PODXL: variants seen among roughly 807,000 people sequenced by gnomAD.
PODXL encodes podocalyxin.
PODXL carries 20 observed loss-of-function variants against 48.9 expected under a neutral mutation model. The ratio of observed to expected loss-of-function variants is 0.41; its 90% CI spans 0.29 to 0.59. PODXL has a LOEUF of 0.59. Ranked by LOEUF, PODXL falls within the 20% of genes least tolerant of loss-of-function variation. The pLI, the probability that PODXL is intolerant of heterozygous loss-of-function variation, is 0.31. For synonymous variants in PODXL, 295 were observed against 287.4 expected, an observed-to-expected ratio of 1.03 and a Z score of -0.27; for missense variants, 606 against 675.1, an observed-to-expected ratio of 0.90 and a Z score of 1.13.
At chr7:131,536,841 G>A (rs1276191925) in intron 1 of PODXL, among the ~76,000 whole-genome samples, 3 of 152,160 alleles carry the variant, frequency 2.0e-5, no homozygotes, top group Non-Finnish European at 4.4e-5. Context: ...AAAATGGCAC[G>A]TGGCCAGGTG....
chr7:131,552,592 CCACG>C (rs1798685402), intron 1 of PODXL, among the ~76,000 whole-genome samples: 1 of 152,208 alleles, frequency 6.6e-6, no homozygotes, highest in Non-Finnish European at 1.5e-5. Flanking sequence ...CCTGGGCAGG[CCACG>C]CTCCCCTCCT....
chr7:131,550,146 G>A (rs1562919819), intron 1 of PODXL, among the ~76,000 whole-genome samples: 2 of 152,356 alleles, frequency 1.3e-5, no homozygotes, highest in South Asian at 4.1e-4. Flanking sequence ...CTGTGGAAAT[G>A]ACAGGGGGTC....
At chr7:131,554,250 T>C (rs1643257) in intron 1 of PODXL, among the ~76,000 whole-genome samples, 54,889 of 151,864 alleles carry the variant, frequency 0.36, 11,125 homozygotes, top group African/African-American at 0.53. Context: ...AACAGACCAA[T>C]CTTGCCGCAA....
At position 131,522,624 on chromosome 7, in the gene PODXL, TCGTG is replaced by T. The variant is rs559953747; in HGVS notation, c.101-11195_101-11192del. 4.6e-5 allele frequency among the ~76,000 whole-genome samples: 7 copies of T among 152,328 alleles called. No homozygotes were observed. The South Asian group carries it at 1.5e-3, about 32-fold the overall frequency. The stretch of plus-strand genomic sequence containing the variant: ...AACAAATTGTGAAGCCCAGCCTAAC[TCGTG>T]CCTTGATTAACATAAACCTTCGCAC... On this transcript the variant is annotated intron_variant, in intron 1 of 8. Transcript: ENST00000378555.
intron 2 of PODXL, 52 bp downstream of exon 2, chr7:131,510,776 G>A (rs3847113): frequency 1.2e-6 from 2 of 1,608,152 alleles, no homozygotes; most frequent in South Asian, 1.1e-5. Flanking sequence ...GAGCCATCAC[G>A]CCTGGCCCTG....
chr7:131,512,071 T>C (rs1322025452), intron 1 of PODXL, among the ~76,000 whole-genome samples: 1 of 152,210 alleles, frequency 6.6e-6, no homozygotes, highest in Non-Finnish European at 1.5e-5. Context: ...CCTGTTCTCA[T>C]GGAAGTTATA....
intron 1 of PODXL, among the ~76,000 whole-genome samples, chr7:131,527,672 C>A (rs1625957): frequency 0.88 from 133,286 of 152,256 alleles, 58,546 homozygotes; most frequent in East Asian, 1. Context: ...ACAACTCTTT[C>A]TCAAATGCTA....
chr7:131,504,242 A>G lies in PODXL; in HGVS notation c.*69T>C, dbSNP rs2116772909. 7.4e-7 allele frequency: 1 copy of G among 1,347,136 alleles called. No individual in the cohort carries two copies. Among genetic ancestry groups the G allele is most frequent in the Non-Finnish European group, 1.1e-6 (1 of 950,886 alleles). 83.4% of individuals were successfully genotyped at this position (1,347,136 alleles called of 1,614,324 possible). A position where few individuals can be genotyped will look rare whatever the true frequency, so the allele number is the denominator to read the frequency against. ...TCCCTCCCCAGTCTTTCCCTTCCCC[A>G]TCCAAACGGCACTTGGGGTGGTTGG... On this transcript the variant is annotated 3_prime_UTR_variant, in exon 9 of 9. Transcript: ENST00000378555.
rs190198666 is a variant in PODXL at position 131,540,278 on chromosome 7, C to T, written c.100+15982G>A. On this transcript the variant is annotated intron_variant, in intron 1 of 8. Coordinates refer to ENST00000378555, the MANE Select transcript of PODXL (RefSeq NM_001018111.3). The stretch of plus-strand genomic sequence containing the variant: ...CCCAAACTAGCCTTGAACTCCTGAG[C>T]TCAAGTGATCCTCCTGCCTCAGACT... Among the ~76,000 whole-genome samples the T allele has an allele frequency of 2.0e-5, 3 of 152,232 alleles. No individual in the cohort carries two copies. In the East Asian group the frequency reaches 5.8e-4, roughly 29 times the overall value.
intron 1 of PODXL, among the ~76,000 whole-genome samples, chr7:131,553,141 C>T (rs904997870): frequency 2.0e-5 from 3 of 152,122 alleles, no homozygotes; most frequent in Non-Finnish European, 4.4e-5. Flanking sequence ...GCCTCAATGA[C>T]TCCATCTCAA....
chr7:131,546,983 G>A (rs1384934094), intron 1 of PODXL, among the ~76,000 whole-genome samples: 1 of 152,188 alleles, frequency 6.6e-6, no homozygotes, highest in Non-Finnish European at 1.5e-5. Flanking sequence ...ACCTGGCCCT[G>A]TGAGGTCGCA....
chr7:131,549,718 C>T (rs1406662668), intron 1 of PODXL, among the ~76,000 whole-genome samples: 1 of 152,210 alleles, frequency 6.6e-6, no homozygotes, highest in Non-Finnish European at 1.5e-5. Context: ...CCTCTCTCAG[C>T]CGCTCCTTAG....
chr7:131,504,974 C>T (rs1040327172), intron 8 of PODXL, among the ~76,000 whole-genome samples: 6 of 152,212 alleles, frequency 3.9e-5, no homozygotes, highest in Admixed American at 6.5e-5. Flanking sequence ...CTGGCAGAGG[C>T]GCTTTCTGTC....
intron 1 of PODXL, among the ~76,000 whole-genome samples, chr7:131,518,807 C>T (rs1392762189): frequency 6.6e-6 from 1 of 152,172 alleles, no homozygotes; most frequent in Non-Finnish European, 1.5e-5. Context: ...CAGAACGGGC[C>T]GCCCTCCACC....
intron 1 of PODXL, among the ~76,000 whole-genome samples, chr7:131,523,695 AAAAAAAACAAG>A (rs1798126567): frequency 9.7e-6 from 1 of 103,356 alleles, no homozygotes. Flanking sequence ...AAAAAAAAAA[AAAAAAAACAAG>A]AAAAGAAAAA....
chr7:131,512,250 T>C (rs1256649251), intron 1 of PODXL, among the ~76,000 whole-genome samples: 1 of 152,046 alleles, frequency 6.6e-6, no homozygotes, highest in Non-Finnish European at 1.5e-5. Context: ...GACACAATGG[T>C]GAACACGACA....
chr7:131,527,602 G>A (rs1045237593), intron 1 of PODXL, among the ~76,000 whole-genome samples: 1 of 152,230 alleles, frequency 6.6e-6, no homozygotes, highest in Non-Finnish European at 1.5e-5. Flanking sequence ...GCAGGTGGAA[G>A]CCTGACTCGG....
At chr7:131,517,634 C>A (rs1381589564) in intron 1 of PODXL, among the ~76,000 whole-genome samples, 1 of 152,128 alleles carries the variant, frequency 6.6e-6, no homozygotes, top group African/African-American at 2.4e-5. Flanking sequence ...CCGAAGACAC[C>A]AGGGAAGACT....
In PODXL at chr7:131,504,126, G is replaced by C; in HGVS notation, c.*185C>G. The C allele has an allele frequency of 1.7e-6, 1 of 600,006 alleles. No individual in the cohort carries two copies. The highest frequency in any genetic ancestry group is 2.0e-5 in the South Asian group (1 of 50,180). The allele number at this position is 600,006 out of a possible 1,614,324, so 37.2% of individuals were successfully genotyped here. A position where few individuals can be genotyped will look rare whatever the true frequency, so the allele number is the denominator to read the frequency against. ...GCACTAGTGGGTTATTTTACAAGAGGAATCTGGACAGAATGTGATTTGTTC... is the reference window on the plus strand; with the variant it reads ...GCACTAGTGGGTTATTTTACAAGAGCAATCTGGACAGAATGTGATTTGTTC... On this transcript the variant is annotated 3_prime_UTR_variant, in exon 9 of 9. Coordinates refer to ENST00000378555, the MANE Select transcript of PODXL (RefSeq NM_001018111.3).
Sources: allele counts gnomAD v4.1 joint callset (sites outside exome capture counted in the v4.1 genomes callset), GRCh38; gene constraint gnomAD v4.1.1; transcripts MANE v1.5; gene names NCBI Gene and HGNC (gene_info 2026-07-23, HGNC 2026-07-21).